Variants in ADAMTSL4 observed in about 807,000 individuals in gnomAD.
ADAMTSL4 encodes ADAMTS like 4.
A neutral mutation model predicts 122.8 loss-of-function variants in ADAMTSL4; 97 were observed. The observed-to-expected ratio is 0.79, with a 90% CI of 0.67 to 0.93. The LOEUF is 0.93. ADAMTSL4 is among the 40% of genes least tolerant of loss of function. ADAMTSL4 has a pLI of 0.00. For missense variants in ADAMTSL4, 1,408 were observed against 1,453.5 expected, an observed-to-expected ratio of 0.97 and a Z score of 0.51; for synonymous variants, 592 against 568.0, an observed-to-expected ratio of 1.04 and a Z score of -0.60.
intron 15 of ADAMTSL4, 46 bp from the exon 16 acceptor site, chr1:150,558,916 C>T: frequency 6.4e-7 from 1 of 1,563,108 alleles, no homozygotes; most frequent in Non-Finnish European, 8.6e-7. Flanking sequence ...TCCCTTGTGC[C>T]AGTCACCAGC....
rs1294539136 is a variant in ADAMTSL4, at chr1:150,556,581, T to G, written c.1577-40T>G. On this transcript the variant is annotated intron_variant, in intron 9 of 18. Coordinates refer to ENST00000271643, the MANE Select transcript of ADAMTSL4 (RefSeq NM_019032.6). The surrounding 1 kb of genome is among the most constrained non-coding windows in gnomAD (Gnocchi z 4.1). ...ACGGTGTGGGAGGAGGAAGGTATTA[T>G]CACCCTGGAATTTCCCGATCTCTCA... 1.9e-6 allele frequency: 3 copies of G among 1,613,250 alleles called. No individual in the cohort carries two copies. Among genetic ancestry groups the G allele is most frequent in the African/African-American group, 1.3e-5 (1 of 74,874 alleles).
chr1:150,560,094 C>T lies in ADAMTSL4; in HGVS notation c.3123C>T (p.Pro1041=), dbSNP rs1467251510. ...DQCKDSSPHC[P]LVVQARLCVY... is the part of the protein sequence containing the mutation. ...GCAAGGACAGCTCTCCACATTGCCC[C>T]CTGGTGGTACAGGCCCGGCTCTGCG... Residue 1041 remains proline, a synonymous_variant, in exon 19 of 19, where the codon CCC becomes CCT. Coordinates refer to ENST00000271643, the MANE Select transcript of ADAMTSL4 (RefSeq NM_019032.6). The T allele has an allele frequency of 1.2e-6, 2 of 1,614,014 alleles. No individual in the cohort carries two copies. Among genetic ancestry groups the T allele is most frequent in the East Asian group, 2.2e-5 (1 of 44,904 alleles).
intron 12 of ADAMTSL4, 52 bp from the exon 13 acceptor site, chr1:150,557,442 T>A: frequency 6.2e-7 from 1 of 1,611,942 alleles, no homozygotes; most frequent in Non-Finnish European, 8.5e-7. Flanking sequence ...GGGACACCAC[T>A]GAGCTTGGGC....
rs758571496 is a variant in ADAMTSL4, at chr1:150,552,520, C to T, written c.21-23C>T. ...CCCCTCTGGCTCCAGTCTGACGTCCCTCCCCTGGCCTTTGGTTTGCAGGCC... is the reference window on the plus strand; with the variant it reads ...CCCCTCTGGCTCCAGTCTGACGTCCTTCCCCTGGCCTTTGGTTTGCAGGCC... On this transcript the variant is annotated intron_variant, in intron 3 of 18. Coordinates refer to ENST00000271643, the MANE Select transcript of ADAMTSL4 (RefSeq NM_019032.6). This position sits in a 1 kb window ranked among gnomAD's most constrained non-coding sequence, Gnocchi z 4.0. 1 of 1,614,068 alleles carries T rather than the reference C, an allele frequency of 6.2e-7. No homozygotes were observed. Among genetic ancestry groups the T allele is most frequent in the Non-Finnish European group, 8.5e-7 (1 of 1,179,958 alleles).
rs1161021895 is a variant in ADAMTSL4 at position 150,549,532 on chromosome 1, G to C, written c.-159+33G>C. Reference sequence around the variant, plus strand: ...CCTCCCCGGGACCCCGGCCCCGGCCGCCCCTCTCCCGGGTCCCGTTAGACC... The same window carrying C: ...CCTCCCCGGGACCCCGGCCCCGGCCCCCCCTCTCCCGGGTCCCGTTAGACC... On this transcript the variant is annotated intron_variant, in intron 1 of 18. Transcript: ENST00000271643. The surrounding 1 kb of genome is among the most constrained non-coding windows in gnomAD (Gnocchi z 5.0). The C allele has an allele frequency of 6.6e-6, 1 of 152,240 alleles. No individual in the cohort carries two copies. The highest frequency in any genetic ancestry group is 6.5e-5 in the Admixed American group (1 of 15,268). The allele number at this position is 152,240 out of a possible 1,614,324, so 9.4% of individuals were successfully genotyped here. A position where few individuals can be genotyped will look rare whatever the true frequency, so the allele number is the denominator to read the frequency against.
intron 15 of ADAMTSL4, 142 bp downstream of exon 15, chr1:150,558,791 G>A (rs1246898555): frequency 2.6e-6 from 4 of 1,551,190 alleles, no homozygotes; most frequent in East Asian, 2.4e-5. Flanking sequence ...AGATAAGTGA[G>A]AACAACTTCC....
chr1:150,558,282 A>G, intron 14 of ADAMTSL4, 133 bp downstream of exon 14: 1 of 1,525,232 alleles, frequency 6.6e-7, no homozygotes, highest in South Asian at 1.2e-5. Context: ...CCCAATATAG[A>G]AGTCAGATAA....
intron 15 of ADAMTSL4, 32 bp downstream of exon 15, chr1:150,558,681 T>C (rs751575817): frequency 2.5e-6 from 4 of 1,613,792 alleles, no homozygotes; most frequent in Non-Finnish European, 3.4e-6. Flanking sequence ...ATATCCTGCA[T>C]CCTGGGTAAC....
chr1:150,555,617 A>ACACG (rs1671959318), intron 8 of ADAMTSL4, 52 bp downstream of exon 8: 1 of 1,605,790 alleles, frequency 6.2e-7, no homozygotes, highest in South Asian at 1.1e-5. Flanking sequence ...GCACACAGAC[A>ACACG]CATGCCCCCA....
chr1:150,550,280 A>C (rs1203342810), intron 2 of ADAMTSL4: 1 of 454,842 alleles, frequency 2.2e-6, no homozygotes, highest in Admixed American at 2.4e-5. Flanking sequence ...GAAAGGGGTG[A>C]GAAGCATAAA....
At chr1:150,550,516 T>G (rs1671295225) in intron 2 of ADAMTSL4, 7 of 368,736 alleles carry the variant, frequency 1.9e-5, no homozygotes, top group South Asian at 1.4e-4. Context: ...AGAAGAGATC[T>G]CGGTGGCAGA....
Position 150,553,997 on chromosome 1 carries a change from G to C in ADAMTSL4, c.1006G>C (p.Gly336Arg), listed in dbSNP as rs1461245407. 6.2e-7 allele frequency: 1 copy of C among 1,611,904 alleles called. No homozygotes were observed. Among genetic ancestry groups the C allele is most frequent in the Admixed American group, 1.7e-5 (1 of 59,896 alleles). The change falls in exon 6 of 19, where the codon GGC becomes CGC. Residue 336 changes from glycine to arginine, a missense_variant. Coordinates refer to ENST00000271643, the MANE Select transcript of ADAMTSL4 (RefSeq NM_019032.6). ...PRLEPDPQHP[G>R]AWLPLLSNGP... Reference sequence around the variant, plus strand: ...CCTGGAGCCTGACCCTCAGCACCCGGGCGCCTGGCTGCCCCTGCTGAGCAA... The same window carrying C: ...CCTGGAGCCTGACCCTCAGCACCCGCGCGCCTGGCTGCCCCTGCTGAGCAA...
At position 150,554,620 on chromosome 1, in the gene ADAMTSL4, G is replaced by A. The variant is rs1570934516; in HGVS notation, c.1234+153G>A. On this transcript the variant is annotated intron_variant, in intron 7 of 18. Transcript: ENST00000271643. This position sits in a 1 kb window ranked among gnomAD's most constrained non-coding sequence, Gnocchi z 4.0. Reference sequence around the variant, plus strand: ...TTTCTTCTCCCTGGGGCTGGGTCAGGAGACAGCACAGGTGGTGAGTGGTCT... The same window carrying A: ...TTTCTTCTCCCTGGGGCTGGGTCAGAAGACAGCACAGGTGGTGAGTGGTCT... 6.5e-7 allele frequency: 1 copy of A among 1,545,518 alleles called. No individual in the cohort carries two copies.
chr1:150,549,651 A>G lies in ADAMTSL4; in HGVS notation c.-159+152A>G, dbSNP rs1671203813. Among the ~76,000 whole-genome samples, 1 of 152,014 alleles carries G rather than the reference A, an allele frequency of 6.6e-6. No homozygotes were observed. On this transcript the variant is annotated intron_variant, in intron 1 of 18. Transcript: ENST00000271643. This position sits in a 1 kb window ranked among gnomAD's most constrained non-coding sequence, Gnocchi z 5.0. ...GACCCAGCTCCGGTGGCCTCGGACA[A>G]TCTTCCAGCCCCTGGGGTCGAATTC...
chr1:150,560,380 G>T lies in ADAMTSL4; in HGVS notation c.*184G>T. The T allele has an allele frequency of 2.3e-6, 2 of 855,042 alleles. No individual in the cohort carries two copies. Among genetic ancestry groups the T allele is most frequent in the Non-Finnish European group, 3.6e-6 (2 of 558,368 alleles). The allele number at this position is 855,042 out of a possible 1,614,324, so 53.0% of individuals were successfully genotyped here. A position where few individuals can be genotyped will look rare whatever the true frequency, so the allele number is the denominator to read the frequency against. ...AGGGCTGTGGTCAGGCCCATGTGGT[G>T]GTGTGATGGGTGTGTGCACATATGC... On this transcript the variant is annotated 3_prime_UTR_variant, in exon 19 of 19. Coordinates refer to ENST00000271643, the MANE Select transcript of ADAMTSL4 (RefSeq NM_019032.6).
chr1:150,551,703 A>C (rs2101547445), intron 2 of ADAMTSL4: 1 of 155,678 alleles, frequency 6.4e-6, no homozygotes. Context: ...GTTCAAGACC[A>C]GCCTGTGCAA....
At chr1:150,551,176 C>G in intron 2 of ADAMTSL4, 1 of 361,890 alleles carries the variant, frequency 2.8e-6, no homozygotes, top group South Asian at 2.0e-5. Flanking sequence ...AATGAGAGGC[C>G]TGTGGCTGGG....
Position 150,554,275 on chromosome 1 carries a change from C to T in ADAMTSL4, c.1132-90C>T. The T allele has an allele frequency of 6.8e-7, 1 of 1,467,318 alleles. No individual in the cohort carries two copies. Among genetic ancestry groups the T allele is most frequent in the Non-Finnish European group, 9.5e-7 (1 of 1,051,972 alleles). The allele number at this position is 1,467,318 out of a possible 1,614,324, so 90.9% of individuals were successfully genotyped here. Reference sequence around the variant, plus strand: ...AGGGGTCTTGGAGCTCTTCCGCTGACCTGAGCCTCCCACCTGCTCCCCAGG... The same window carrying T: ...AGGGGTCTTGGAGCTCTTCCGCTGATCTGAGCCTCCCACCTGCTCCCCAGG... On this transcript the variant is annotated intron_variant, in intron 6 of 18. Coordinates refer to ENST00000271643, the MANE Select transcript of ADAMTSL4 (RefSeq NM_019032.6). The surrounding 1 kb of genome is among the most constrained non-coding windows in gnomAD (Gnocchi z 4.0).
rs1671514561 is a variant in ADAMTSL4, at chr1:150,552,421, T to C, written c.20+113T>C. 6.5e-7 allele frequency: 1 copy of C among 1,548,046 alleles called. No homozygotes were observed. The highest frequency in any genetic ancestry group is 1.4e-5 in the African/African-American group (1 of 73,600). Reference sequence around the variant, plus strand: ...TGGGAGGGGCAGGGGAAGTGATGAGTAACTTCTGCTTTCTGAGAAGTTGGT... The same window carrying C: ...TGGGAGGGGCAGGGGAAGTGATGAGCAACTTCTGCTTTCTGAGAAGTTGGT... On this transcript the variant is annotated intron_variant, in intron 3 of 18. Coordinates refer to ENST00000271643, the MANE Select transcript of ADAMTSL4 (RefSeq NM_019032.6). The surrounding 1 kb of genome is among the most constrained non-coding windows in gnomAD (Gnocchi z 4.0).
Sources: gnomAD v4.1 joint callset for allele counts (sites outside exome capture counted in the v4.1 genomes callset) on GRCh38, gnomAD v4.1.1 for gene constraint, Gnocchi (gnomAD v3.1) non-coding constraint, MANE v1.5 for transcripts, NCBI Gene and HGNC (gene_info 2026-07-23, HGNC 2026-07-21) for gene names.